PABPC1L: variants seen among roughly 807,000 people sequenced by gnomAD.
PABPC1L encodes the protein polyadenylate-binding protein 1-like.
PABPC1L carries 31 observed loss-of-function variants against 66.6 expected under a neutral mutation model. The observed-to-expected ratio is 0.47, with a 90% confidence interval of 0.35 to 0.63. PABPC1L has a LOEUF of 0.63. Among genes scored for constraint, PABPC1L ranks in the 20% least tolerant of loss-of-function variants. The pLI, the probability that PABPC1L is intolerant of heterozygous loss-of-function variation, is 0.00. For synonymous variants in PABPC1L, 348 were observed against 335.1 expected, an observed-to-expected ratio of 1.04 and a Z score of -0.42; for missense variants, 722 against 848.8, an observed-to-expected ratio of 0.85 and a Z score of 1.86.
chr20:44,912,328 G>A (rs1033749128), intron 1 of PABPC1L, among the ~76,000 whole-genome samples: 2 of 152,156 alleles, frequency 1.3e-5, no homozygotes, highest in African/African-American at 4.8e-5. Context: ...TAGACCTGAC[G>A]CTGCCACAGA....
At chr20:44,911,570 C>G (rs1222456483) in intron 1 of PABPC1L, among the ~76,000 whole-genome samples, 3 of 152,182 alleles carry the variant, frequency 2.0e-5, no homozygotes, top group Non-Finnish European at 4.4e-5. Flanking sequence ...CCGGCGTCCA[C>G]TAGAGGGATC....
intron 2 of PABPC1L, 113 bp from the exon 3 acceptor site, chr20:44,916,643 T>G (rs1333754810): frequency 1.7e-5 from 16 of 933,070 alleles, no homozygotes; most frequent in Non-Finnish European, 2.8e-5. Context: ...CATGCAGGAT[T>G]GCCTTTTCCA....
intron 3 of PABPC1L, 79 bp from the exon 4 acceptor site, chr20:44,918,827 A>T: frequency 6.7e-7 from 1 of 1,489,768 alleles, no homozygotes; most frequent in Non-Finnish European, 9.0e-7. Context: ...GAAGGGCAGC[A>T]GTTGAGCAGG....
In PABPC1L at chr20:44,932,347, A is replaced by T; in HGVS notation, c.1245A>T (p.Pro415=). The T allele has an allele frequency of 6.2e-7, 1 of 1,610,792 alleles. No individual in the cohort carries two copies. Among genetic ancestry groups the T allele is most frequent in the Non-Finnish European group, 8.5e-7 (1 of 1,177,758 alleles). The stretch of plus-strand genomic sequence containing the variant: ...GGTCTTCTTTTCCCATGCAGCCTCC[A>T]GCCCAGGCTGCATACTATGGCTGTG... The part of the protein sequence containing the change: ...SYFLPAMPQP[P]AQAAYYGCGP... The change falls in exon 9 of 15, where the codon CCA becomes CCT. Residue 415 remains proline, a synonymous_variant. Transcript: ENST00000217073.
At chr20:44,924,923 G>C (rs1341954947) in intron 7 of PABPC1L, among the ~76,000 whole-genome samples, 1 of 150,102 alleles carries the variant, frequency 6.7e-6, no homozygotes, top group Non-Finnish European at 1.5e-5. Context: ...TTTTTTTAAA[G>C]CTCCCAGAGG....
chr20:44,928,902 A>G (rs2145573117), intron 7 of PABPC1L, among the ~76,000 whole-genome samples: 1 of 151,390 alleles, frequency 6.6e-6, no homozygotes, highest in Non-Finnish European at 1.5e-5. Context: ...AAAAAAGGAA[A>G]AAAAGAAGAT....
chr20:44,930,358 C>T (rs987439366), intron 7 of PABPC1L, 102 bp from the exon 8 acceptor site: 27 of 1,452,718 alleles, frequency 1.9e-5, no homozygotes, highest in Admixed American at 1.1e-4. Context: ...TTCTCGCGGG[C>T]CTGCCCAGTG....
At chr20:44,924,355 T>C in intron 7 of PABPC1L, 99 bp downstream of exon 7, 1 of 939,706 alleles carries the variant, frequency 1.1e-6, no homozygotes, top group Non-Finnish European at 1.6e-6. Flanking sequence ...CCCAGCAGCC[T>C]TCAGGGGGTT....
chr20:44,912,894 C>A, intron 2 of PABPC1L, 41 bp downstream of exon 2: 2 of 1,537,414 alleles, frequency 1.3e-6, no homozygotes, highest in South Asian at 1.2e-5. Flanking sequence ...AGATCGGTGT[C>A]AACTACCTGC....
At chr20:44,928,449 A>AT (rs2066825777) in intron 7 of PABPC1L, among the ~76,000 whole-genome samples, 1 of 152,142 alleles carries the variant, frequency 6.6e-6, no homozygotes, top group African/African-American at 2.4e-5. Flanking sequence ...TACTGCCAGG[A>AT]TTTTTTTGTT....
rs748422629 is a variant in PABPC1L at position 44,938,702 on chromosome 20, C to T, written c.1820C>T (p.Ala607Val). 5.0e-6 allele frequency: 8 copies of T among 1,611,724 alleles called. No homozygotes were observed. Among genetic ancestry groups the T allele is most frequent in the Non-Finnish European group, 5.9e-6 (7 of 1,179,176 alleles). The change falls in exon 14 of 15, where the codon GCA becomes GTA. Residue 607 changes from alanine (A) to valine (V), a missense_variant. Ala to Val is a moderately conservative substitution (Grantham distance 64). Around this residue, in one of 3 missense-constraint regions of PABPC1L, gnomAD observed 301 missense variants for 337.2 expected, o/e 0.89. Coordinates refer to ENST00000217073, the MANE Select transcript of PABPC1L (RefSeq NM_001372179.1). Reference sequence around the variant, plus strand: ...GACGAGGCAGTGGCCGTGCTGCAGGCACACCAGGCTATGGAGCAGCCGAAG... The same window carrying T: ...GACGAGGCAGTGGCCGTGCTGCAGGTACACCAGGCTATGGAGCAGCCGAAG... ...KIDEAVAVLQ[A>V]HQAMEQPKAY...
intron 10 of PABPC1L, 44 bp downstream of exon 10, chr20:44,933,229 T>C: frequency 6.6e-7 from 1 of 1,518,466 alleles, no homozygotes; most frequent in African/African-American, 1.4e-5. Flanking sequence ...GGGGCAAAGT[T>C]GGCACTAGGA....
At position 44,916,865 on chromosome 20, in the gene PABPC1L, G is replaced by A. The variant is rs1224557696; in HGVS notation, c.497G>A (p.Arg166His). Reference protein sequence around the residue: ...NTMNGMLLNDRKVFVGHFKSR... With the variant: ...NTMNGMLLNDHKVFVGHFKSR... ...ATGAATGGGATGCTGCTGAATGACC[G>A]CAAAGTGTGAGTGGCTGGGCCCGAG... Residue 166 changes from arginine (R) to histidine (H), a missense_variant, in exon 3 of 15, where the codon CGC becomes CAC. Physicochemically the swap from Arg to His is conservative, Grantham distance 29 (BLOSUM62 0). Around this residue, in one of 3 missense-constraint regions of PABPC1L, gnomAD observed 284 missense variants for 294.8 expected, o/e 0.96. Coordinates refer to ENST00000217073, the MANE Select transcript of PABPC1L (RefSeq NM_001372179.1). 13 of 1,613,834 alleles carry A rather than the reference G, an allele frequency of 8.1e-6. No homozygotes were observed. The highest frequency in any genetic ancestry group is 2.2e-5 in the South Asian group (2 of 91,076).
chr20:44,917,595 G>A (rs988868883), intron 3 of PABPC1L, among the ~76,000 whole-genome samples: 3 of 152,044 alleles, frequency 2.0e-5, no homozygotes, highest in Admixed American at 6.6e-5. Flanking sequence ...TGTTAACTTC[G>A]ATATCATCCC....
chr20:44,933,948 C>T (rs2145581225), intron 10 of PABPC1L, among the ~76,000 whole-genome samples: 1 of 151,946 alleles, frequency 6.6e-6, no homozygotes, highest in Admixed American at 6.6e-5. Flanking sequence ...GACAGGGTTT[C>T]ACCATGTTGG....
chr20:44,914,270 G>T (rs987130421), intron 2 of PABPC1L, among the ~76,000 whole-genome samples: 2 of 148,182 alleles, frequency 1.3e-5, no homozygotes, highest in Non-Finnish European at 3.0e-5. Flanking sequence ...GCAGTGGCGC[G>T]ATCTCAGCTC....
chr20:44,916,691 T>G (rs2066739774), intron 2 of PABPC1L, 65 bp from the exon 3 acceptor site: 2 of 1,481,918 alleles, frequency 1.3e-6, no homozygotes, highest in Non-Finnish European at 1.9e-6. Flanking sequence ...GTGATCACCT[T>G]TGCCATTCCT....
At chr20:44,916,635 T>A in intron 2 of PABPC1L, 121 bp from the exon 3 acceptor site, 1 of 877,176 alleles carries the variant, frequency 1.1e-6, no homozygotes, top group Admixed American at 1.8e-5. Flanking sequence ...ATCCCTAACA[T>A]GCAGGATTGC....
intron 9 of PABPC1L, 93 bp from the exon 10 acceptor site, chr20:44,932,964 G>A (rs2066872862): frequency 1.4e-6 from 1 of 735,298 alleles, no homozygotes; most frequent in African/African-American, 1.8e-5. Flanking sequence ...CATTCTCTTG[G>A]TGGCCCTGGA....
Sources: gnomAD v4.1 joint callset for allele counts (sites outside exome capture counted in the v4.1 genomes callset) on GRCh38, gnomAD v4.1.1 for gene constraint, gnomAD v4.1.1 regional missense constraint, MANE v1.5 for transcripts, NCBI Gene and HGNC (gene_info 2026-07-23, HGNC 2026-07-21) for gene names.